The following NLGN1 variants were observed in gnomAD, a reference collection of about 807,000 sequenced individuals.
NLGN1 encodes the protein neuroligin-1.
NLGN1 carries 12 observed loss-of-function variants against 65.5 expected under a neutral mutation model. The observed-to-expected ratio is 0.18, with a 90% CI of 0.12 to 0.30. The LOEUF (loss-of-function observed/expected upper bound fraction) is 0.30, where lower values mean the gene tolerates loss of function less well. Ranked by LOEUF, NLGN1 falls within the 10% of genes least tolerant of loss-of-function variation. The pLI, the probability that NLGN1 is intolerant of heterozygous loss-of-function variation, is 1.00. For missense variants in NLGN1, 750 were observed against 1,007.1 expected, an observed-to-expected ratio of 0.74 and a Z score of 3.46; for synonymous variants, 350 against 359.5, an observed-to-expected ratio of 0.97 and a Z score of 0.30.
intron 3 of NLGN1, among the ~76,000 whole-genome samples, chr3:173,632,849 G>GTTTTTTTTTTTTTTTTTTTTT (rs5854526): frequency 4.4e-4 from 51 of 116,418 alleles, no homozygotes; most frequent in South Asian, 9.1e-4. Context: ...TTTTTTTTTT[G>GTTTTTTTTTTTTTTTTTTTTT]TTTTTTTTTT....
intron 3 of NLGN1, among the ~76,000 whole-genome samples, chr3:173,621,013 G>A (rs1008557628): frequency 2.0e-5 from 3 of 152,150 alleles, no homozygotes; most frequent in African/African-American, 7.2e-5. Context: ...TGAATTCAAC[G>A]TGTATTTCCG....
intron 4 of NLGN1, among the ~76,000 whole-genome samples, chr3:173,823,672 T>A (rs925860217): frequency 6.6e-6 from 1 of 152,032 alleles, no homozygotes; most frequent in Admixed American, 6.6e-5. Context: ...ACATTTCAAG[T>A]ACTCAATAGT....
intron 4 of NLGN1, among the ~76,000 whole-genome samples, chr3:173,874,643 G>A (rs932766394): frequency 2.0e-5 from 3 of 152,166 alleles, no homozygotes; most frequent in Non-Finnish European, 2.9e-5. Context: ...AGAGGTTAGT[G>A]ATGATAAACA....
intron 2 of NLGN1, among the ~76,000 whole-genome samples, chr3:173,529,462 T>G (rs1364755843): frequency 6.6e-6 from 1 of 152,014 alleles, no homozygotes; most frequent in Non-Finnish European, 1.5e-5. Flanking sequence ...GCACCAGACT[T>G]AAGGGGGTGA....
chr3:173,612,858 G>T (rs961912981), intron 3 of NLGN1, among the ~76,000 whole-genome samples: 3 of 152,098 alleles, frequency 2.0e-5, no homozygotes, highest in Non-Finnish European at 4.4e-5. Flanking sequence ...AGAAGAATCA[G>T]TTCTGGGCCT....
intron 3 of NLGN1, among the ~76,000 whole-genome samples, chr3:173,735,816 G>A (rs930436676): frequency 6.6e-6 from 1 of 152,052 alleles, no homozygotes; most frequent in Non-Finnish European, 1.5e-5. Context: ...CAAGGGACTG[G>A]TGACATTCAC....
chr3:173,432,912 C>T (rs1420881975), intron 1 of NLGN1, among the ~76,000 whole-genome samples: 1 of 151,792 alleles, frequency 6.6e-6, no homozygotes, highest in Non-Finnish European at 1.5e-5. Flanking sequence ...ATGTGGGAAC[C>T]ACTCCCCCCA....
intron 3 of NLGN1, among the ~76,000 whole-genome samples, chr3:173,630,644 A>G (rs1203912543): frequency 6.6e-6 from 1 of 152,016 alleles, no homozygotes; most frequent in Non-Finnish European, 1.5e-5. Context: ...CTTCTCTTCC[A>G]CAGAGAGAAA....
intron 4 of NLGN1, among the ~76,000 whole-genome samples, chr3:174,056,620 T>G (rs1736158297): frequency 6.6e-6 from 1 of 152,016 alleles, no homozygotes; most frequent in African/African-American, 2.4e-5. Context: ...AATGGGATTT[T>G]TATAGTCACT....
chr3:173,926,964 T>C (rs989760686), intron 4 of NLGN1, among the ~76,000 whole-genome samples: 1 of 152,194 alleles, frequency 6.6e-6, no homozygotes, highest in Non-Finnish European at 1.5e-5. Flanking sequence ...CACTTTCTCT[T>C]TTATCCAGAT....
At chr3:174,043,443 GATACAA>G (rs1732806344) in intron 4 of NLGN1, among the ~76,000 whole-genome samples, 1 of 152,180 alleles carries the variant, frequency 6.6e-6, no homozygotes, top group African/African-American at 2.4e-5. Context: ...TTACTTCCTA[GATACAA>G]TAGGGGTACA....
intron 1 of NLGN1, among the ~76,000 whole-genome samples, chr3:173,402,531 G>A (rs1360973793): frequency 6.6e-6 from 1 of 152,098 alleles, no homozygotes; most frequent in Admixed American, 6.5e-5. Flanking sequence ...CCAGATTCTG[G>A]AGGTGTGCTG....
At chr3:173,917,841 T>TTGTGTGTG (rs145802137) in intron 4 of NLGN1, among the ~76,000 whole-genome samples, 257 of 146,454 alleles carry the variant, frequency 1.8e-3, no homozygotes, top group East Asian at 3.2e-3. Flanking sequence ...CAAAGCAACA[T>TTGTGTGTG]TGTGTGTGTG....
intron 3 of NLGN1, among the ~76,000 whole-genome samples, chr3:173,614,352 A>T (rs1261515835): frequency 6.6e-6 from 1 of 152,004 alleles, no homozygotes; most frequent in Non-Finnish European, 1.5e-5. Context: ...ATTATTAAAA[A>T]TATATATGTG....
At chr3:174,125,894 T>C (rs1718845225) in intron 4 of NLGN1, among the ~76,000 whole-genome samples, 1 of 152,098 alleles carries the variant, frequency 6.6e-6, no homozygotes, top group South Asian at 2.1e-4. Context: ...GGTTAAGTCA[T>C]AAAAAGAAGA....
rs560009815 is a variant in NLGN1, at chr3:173,930,609, G to A, written c.646+122777G>A. ...TAGACTGAGATAATCTAAGAAAGAA[G>A]GATAGAGTTTAGAGGATGTCTTTTG... On this transcript the variant is annotated intron_variant, in intron 4 of 6. Transcript: ENST00000457714. Among the ~76,000 whole-genome samples the A allele has an allele frequency of 8.5e-4, 129 of 152,266 alleles. 1 individual carries two copies. The highest frequency in any genetic ancestry group is 3.0e-3 in the African/African-American group (124 of 41,558).
At chr3:174,041,109 C>A (rs751532586) in intron 4 of NLGN1, among the ~76,000 whole-genome samples, 4 of 152,058 alleles carry the variant, frequency 2.6e-5, no homozygotes, top group Non-Finnish European at 5.9e-5. Flanking sequence ...AGATACAGAC[C>A]GTTGTCATCA....
intron 4 of NLGN1, among the ~76,000 whole-genome samples, chr3:174,049,194 A>C (rs1425096565): frequency 6.6e-6 from 1 of 152,166 alleles, no homozygotes; most frequent in Admixed American, 6.6e-5. Flanking sequence ...GAAAACAGCT[A>C]GTAACTATGT....
intron 4 of NLGN1, among the ~76,000 whole-genome samples, chr3:173,951,318 A>G (rs1400458344): frequency 6.6e-6 from 1 of 152,162 alleles, no homozygotes; most frequent in African/African-American, 2.4e-5. Flanking sequence ...ATCTGATAAA[A>G]TCAGACTCCG....
Sources: allele counts gnomAD v4.1 joint callset (sites outside exome capture counted in the v4.1 genomes callset), GRCh38; gene constraint gnomAD v4.1.1; transcripts MANE v1.5; gene names NCBI Gene and HGNC (gene_info 2026-07-23, HGNC 2026-07-21).